MUSK: variants seen among roughly 807,000 people sequenced by gnomAD.
The protein encoded by MUSK is muscle associated receptor tyrosine kinase, also known as muscle, skeletal receptor tyrosine-protein kinase.
In MUSK, 55 loss-of-function variants were observed where a neutral mutation model predicts 88.7. The ratio of observed to expected loss-of-function variants is 0.62; its 90% CI spans 0.50 to 0.78. MUSK has a LOEUF of 0.78. Among genes scored for constraint, MUSK ranks in the 30% least tolerant of loss-of-function variants. The pLI, the probability that MUSK is intolerant of heterozygous loss-of-function variation, is 0.00. For missense variants in MUSK, 1,015 were observed against 1,074.3 expected (o/e 0.94, Z 0.77); for synonymous variants, 387 against 391.9 (o/e 0.99, Z 0.15).
chr9:110,730,457 G>A (rs4458940), intron 5 of MUSK, among the ~76,000 whole-genome samples: 125,487 of 152,002 alleles, frequency 0.83, 52,429 homozygotes, highest in African/African-American at 0.95. Flanking sequence ...CTTTTATGCA[G>A]ATAAAACACA....
chr9:110,788,461 A>C (rs1317917177), intron 14 of MUSK, among the ~76,000 whole-genome samples: 1 of 151,994 alleles, frequency 6.6e-6, no homozygotes, highest in Non-Finnish European at 1.5e-5. Context: ...GTGAAATCCC[A>C]TCTCTACTAA....
chr9:110,715,411 G>A (rs113901369), intron 5 of MUSK, among the ~76,000 whole-genome samples: 3 of 149,178 alleles, frequency 2.0e-5, no homozygotes, highest in Non-Finnish European at 4.4e-5. Flanking sequence ...AGAGTGAAGT[G>A]AGGATCCAAT....
At chr9:110,689,750 T>TA (rs1447598026) in intron 3 of MUSK, among the ~76,000 whole-genome samples, 1 of 36,352 alleles carries the variant, frequency 2.8e-5, no homozygotes, top group East Asian at 5.1e-4. Flanking sequence ...ATATTATATA[T>TA]TATATATAAA....
chr9:110,738,639 C>T (rs1458154931), intron 6 of MUSK, among the ~76,000 whole-genome samples: 1 of 152,168 alleles, frequency 6.6e-6, no homozygotes, highest in Non-Finnish European at 1.5e-5. Flanking sequence ...CATGCTCACT[C>T]ATTCTTCCCC....
At position 110,668,962 on chromosome 9, in the gene MUSK, G is replaced by T. The variant is rs758427621; in HGVS notation, c.58G>T (p.Gly20Ter). 1 of 1,613,676 alleles carries T rather than the reference G, an allele frequency of 6.2e-7. No individual in the cohort carries two copies. Among genetic ancestry groups the T allele is most frequent in the Non-Finnish European group, 8.5e-7 (1 of 1,179,656 alleles). ...VHILTLVAFS[G>*]TEKLPKAPVI... The stretch of plus-strand genomic sequence containing the variant: ...TATTCTTACTCTGGTTGCCTTCAGC[G>T]GAACTGAGAAACTTCCAAAAGGTTG... Residue 20 changes from glycine (G) to a stop codon, truncating the protein, a stop_gained, in exon 1 of 15, where the codon GGA becomes TGA. Transcript: ENST00000374448. LOFTEE classifies it high-confidence loss of function.
chr9:110,790,481 C>A (rs1379094741), intron 14 of MUSK, among the ~76,000 whole-genome samples: 1 of 152,084 alleles, frequency 6.6e-6, no homozygotes, highest in Non-Finnish European at 1.5e-5. Context: ...ACAGGGTTGG[C>A]AAATAGTGGA....
chr9:110,721,840 C>G (rs984004502), intron 5 of MUSK, among the ~76,000 whole-genome samples: 4 of 152,042 alleles, frequency 2.6e-5, no homozygotes, highest in African/African-American at 9.7e-5. Context: ...AACTTCAAAC[C>G]ATACTACAAC....
intron 11 of MUSK, among the ~76,000 whole-genome samples, chr9:110,779,648 G>T (rs1405144402): frequency 6.6e-6 from 1 of 152,062 alleles, no homozygotes; most frequent in Non-Finnish European, 1.5e-5. Context: ...ATAAGGCCTT[G>T]TTCTTTTATG....
At chr9:110,675,215 C>T (rs115715796) in intron 1 of MUSK, among the ~76,000 whole-genome samples, 3 of 88,358 alleles carry the variant, frequency 3.4e-5, no homozygotes, top group Non-Finnish European at 6.4e-5. Context: ...CACATTGCCT[C>T]TTTTTTTTTT....
At chr9:110,776,482 A>G in intron 10 of MUSK, 150 bp from the exon 11 acceptor site, 1 of 655,784 alleles carries the variant, frequency 1.5e-6, no homozygotes, top group South Asian at 2.1e-5. Flanking sequence ...CAAAGACCCA[A>G]TTCTTTCACA....
At chr9:110,721,200 C>T (rs1342154480) in intron 5 of MUSK, among the ~76,000 whole-genome samples, 1 of 152,088 alleles carries the variant, frequency 6.6e-6, no homozygotes, top group Admixed American at 6.6e-5. Flanking sequence ...TGCCCACTTT[C>T]ACCACTTCTA....
intron 1 of MUSK, among the ~76,000 whole-genome samples, chr9:110,682,000 A>T (rs2076141629): frequency 6.6e-6 from 1 of 151,798 alleles, no homozygotes; most frequent in Non-Finnish European, 1.5e-5. Flanking sequence ...CTGTTGTCTT[A>T]AAAAAAATAA....
rs1054297682 is a variant in MUSK at position 110,804,516 on chromosome 9, T to C, written c.*3528T>C. Among the ~76,000 whole-genome samples, 1 of 152,062 alleles carries C rather than the reference T, an allele frequency of 6.6e-6. No homozygotes were observed. The highest frequency in any genetic ancestry group is 2.4e-5 in the African/African-American group (1 of 41,450). On this transcript the variant is annotated 3_prime_UTR_variant, in exon 15 of 15. Coordinates refer to ENST00000374448, the MANE Select transcript of MUSK (RefSeq NM_005592.4). ...AATTACTAGTCAGGTTGAATGTTTCTTGTTCCTAGGTCATTAACAGTTTTT... is the reference window on the plus strand; with the variant it reads ...AATTACTAGTCAGGTTGAATGTTTCCTGTTCCTAGGTCATTAACAGTTTTT...
intron 9 of MUSK, among the ~76,000 whole-genome samples, chr9:110,770,229 T>C (rs1374539059): frequency 1.3e-5 from 2 of 149,404 alleles, no homozygotes; most frequent in Non-Finnish European, 3.0e-5. Context: ...TTTTATTACA[T>C]GTTGACATTG....
Position 110,681,073 on chromosome 9 carries a change from A to AT in MUSK, c.80-1600dup, listed in dbSNP as rs2076117195. 1.7e-4 allele frequency among the ~76,000 whole-genome samples: 5 copies of AT among 30,152 alleles called. 1 individual carries two copies. The East Asian group carries it at 2.0e-3, about 12-fold the overall frequency. 19.8% of individuals were successfully genotyped at this position (30,152 alleles called of 152,430 possible). A position where few individuals can be genotyped will look rare whatever the true frequency, so the allele number is the denominator to read the frequency against. ...TATTATATATTATATATATAATATT[A>AT]TATATATTATATAATATATATTATA... On this transcript the variant is annotated intron_variant, in intron 1 of 14. Transcript: ENST00000374448.
At chr9:110,776,585 A>C in intron 10 of MUSK, 47 bp from the exon 11 acceptor site, 2 of 1,478,582 alleles carry the variant, frequency 1.4e-6, no homozygotes, top group African/African-American at 2.8e-5. Flanking sequence ...AATATGTGAG[A>C]TATCTGGATG....
chr9:110,783,276 G>A (rs9657656), intron 11 of MUSK, among the ~76,000 whole-genome samples: 41,595 of 151,586 alleles, frequency 0.27, 8,885 homozygotes, highest in African/African-American at 0.6. Flanking sequence ...TTGTGATATT[G>A]GTATTATAAT....
In MUSK at chr9:110,719,622, G is replaced by A. The variant is rs868022545; in HGVS notation, c.629-14629G>A. ...ATTACTAGACCTTAAAAATAAGATA[G>A]ATGGCAACACACTAACAGTGAGGGA... On this transcript the variant is annotated intron_variant, in intron 5 of 14. Transcript: ENST00000374448. Among the ~76,000 whole-genome samples, 12 of 152,020 alleles carry A rather than the reference G, an allele frequency of 7.9e-5. No individual in the cohort carries two copies. In the Middle Eastern group the frequency reaches 0.01, roughly 129 times the overall value.
At chr9:110,689,683 CTA>C (rs1491505659) in intron 3 of MUSK, among the ~76,000 whole-genome samples, 2 of 61,452 alleles carry the variant, frequency 3.3e-5, no homozygotes, top group African/African-American at 1.1e-4. Flanking sequence ...TTATATATAA[CTA>C]TATATAGTTA....
Sources: allele counts gnomAD v4.1 joint callset (sites outside exome capture counted in the v4.1 genomes callset), GRCh38; gene constraint gnomAD v4.1.1; transcripts MANE v1.5; gene names NCBI Gene and HGNC (gene_info 2026-07-23, HGNC 2026-07-21).